SLC14A2: variants seen among roughly 807,000 people sequenced by gnomAD.
The protein encoded by SLC14A2 is solute carrier family 14 member 2.
In SLC14A2, 91 loss-of-function variants were observed where a neutral mutation model predicts 104.6. That is an observed-to-expected ratio of 0.87 (90% CI 0.73 to 1.04). The LOEUF (loss-of-function observed/expected upper bound fraction) is 1.04. Ranked by LOEUF, SLC14A2 falls within the 50% of genes least tolerant of loss-of-function variation. SLC14A2 has a pLI of 0.00. For missense variants in SLC14A2, 1,189 were observed against 1,156.0 expected, an observed-to-expected ratio of 1.03 and a Z score of -0.41; for synonymous variants, 476 against 466.4, an observed-to-expected ratio of 1.02 and a Z score of -0.27.
intron 1 of SLC14A2, among the ~76,000 whole-genome samples, chr18:45,398,701 C>T (rs2086063307): frequency 6.6e-6 from 1 of 152,082 alleles, no homozygotes; most frequent in Non-Finnish European, 1.5e-5. Context: ...CAGTCAACCC[C>T]AAAAGGATAA....
chr18:45,667,183 ATAGACTAGACT>A lies in SLC14A2; in HGVS notation c.1717+101_1717+111del, dbSNP rs1421431300. ...AAACCCATTGCCATGGGGGTTCCCT[ATAGACTAGACT>A]TAGACTAGACTGCACTCTGTTACTG... On this transcript the variant is annotated intron_variant, in intron 13 of 19. Transcript: ENST00000255226. The A allele has an allele frequency of 7.7e-6, 8 of 1,041,152 alleles. No homozygotes were observed. The South Asian group carries it at 1.1e-4, about 14-fold the overall frequency. 64.5% of individuals were successfully genotyped at this position (1,041,152 alleles called of 1,614,324 possible).
At chr18:45,356,451 G>T (rs985624681) in intron 1 of SLC14A2, among the ~76,000 whole-genome samples, 1 of 152,080 alleles carries the variant, frequency 6.6e-6, no homozygotes, top group South Asian at 2.1e-4. Context: ...AGAGTGTGAC[G>T]GTATCCCACT....
the SLC14A2 span, among the ~76,000 whole-genome samples, chr18:45,183,791 A>G: frequency 2.7e-5 from 4 of 150,482 alleles, no homozygotes; most frequent in South Asian, 8.4e-4. Flanking sequence ...GATGGAGTGC[A>G]GTGGTGTGAT....
At chr18:45,390,969 T>C (rs1313402142) in intron 1 of SLC14A2, among the ~76,000 whole-genome samples, 1 of 152,232 alleles carries the variant, frequency 6.6e-6, no homozygotes, top group Non-Finnish European at 1.5e-5. Context: ...AGGGTACATG[T>C]GCACAATGTG....
chr18:45,393,101 G>T (rs894624134), intron 1 of SLC14A2, among the ~76,000 whole-genome samples: 2 of 152,184 alleles, frequency 1.3e-5, no homozygotes, highest in Non-Finnish European at 2.9e-5. Flanking sequence ...ACTATAAAGA[G>T]GGAGAAAAGT....
chr18:45,513,562 A>C (rs1054527121), intron 2 of SLC14A2, among the ~76,000 whole-genome samples: 1 of 152,224 alleles, frequency 6.6e-6, no homozygotes, highest in Non-Finnish European at 1.5e-5. Flanking sequence ...TCAGAAGTTG[A>C]CTATGATACA....
At chr18:45,475,660 T>G (rs1327484759) in intron 1 of SLC14A2, among the ~76,000 whole-genome samples, 11 of 111,378 alleles carry the variant, frequency 9.9e-5, no homozygotes, top group East Asian at 2.8e-4. Flanking sequence ...TATATATATA[T>G]ATATATATAT....
chr18:45,667,935 T>C lies in SLC14A2; in HGVS notation c.1820T>C (p.Leu607Pro). Residue 607 changes from leucine to proline, a missense_variant, in exon 14 of 20, where the codon CTC becomes CCC. Coordinates refer to ENST00000255226, the MANE Select transcript of SLC14A2 (RefSeq NM_007163.4). The stretch of plus-strand genomic sequence containing the variant: ...AGCGGCATCCTCATCATCCTCGGCC[T>C]CTTCATCCAGAACCCCTGGTGGGCG... ...PLSGILIILG[L>P]FIQNPWWAIS... 2 of 1,614,120 alleles carry C rather than the reference T, an allele frequency of 1.2e-6. No homozygotes were observed. Among genetic ancestry groups the C allele is most frequent in the Non-Finnish European group, 1.7e-6 (2 of 1,180,000 alleles).
chr18:45,667,652 T>C (rs537468301), intron 13 of SLC14A2, among the ~76,000 whole-genome samples, 181 bp from the exon 14 acceptor site: 46 of 152,310 alleles, frequency 3.0e-4, no homozygotes, highest in African/African-American at 1.1e-3. Flanking sequence ...TCAAGAGTTT[T>C]CTTGGCAGTC....
intron 2 of SLC14A2, among the ~76,000 whole-genome samples, chr18:45,538,300 A>G (rs1323724664): frequency 2.0e-5 from 3 of 152,138 alleles, no homozygotes; most frequent in African/African-American, 7.2e-5. Context: ...CCTTGCCCCC[A>G]TGGTGTCATT....
At chr18:45,530,806 G>A (rs1017112517) in intron 2 of SLC14A2, among the ~76,000 whole-genome samples, 9 of 151,930 alleles carry the variant, frequency 5.9e-5, no homozygotes, top group Admixed American at 2.0e-4. Context: ...CCATTAACTC[G>A]TCATTTAGCA....
At chr18:45,221,193 G>A (rs957221665) in intron 1 of SLC14A2, among the ~76,000 whole-genome samples, 9 of 152,156 alleles carry the variant, frequency 5.9e-5, no homozygotes, top group African/African-American at 2.2e-4. Context: ...GCTGGACTAG[G>A]AAAAAGAGAA....
intron 1 of SLC14A2, among the ~76,000 whole-genome samples, chr18:45,246,333 A>G (rs1342564820): frequency 1.3e-5 from 2 of 152,176 alleles, no homozygotes; most frequent in East Asian, 3.8e-4. Flanking sequence ...AGTCTAAGCC[A>G]CCCAATCTGT....
intron 1 of SLC14A2, among the ~76,000 whole-genome samples, chr18:45,381,582 T>G (rs2085835550): frequency 6.6e-6 from 1 of 152,224 alleles, no homozygotes; most frequent in Non-Finnish European, 1.5e-5. Context: ...TCTGCTGATG[T>G]CTTGGGCATA....
At position 45,547,633 on chromosome 18, in the gene SLC14A2, T is replaced by C. The variant is rs76331126; in HGVS notation, c.-35+64311T>C. ...CCTTCTGATGACCGCCTTGTGATCTTGGGCTCATTTAGTCTCCTTGACCCT... is the reference window on the plus strand; with the variant it reads ...CCTTCTGATGACCGCCTTGTGATCTCGGGCTCATTTAGTCTCCTTGACCCT... On this transcript the variant is annotated intron_variant, in intron 2 of 20. Coordinates refer to the SLC14A2 transcript ENST00000586448. 4.5e-3 allele frequency among the ~76,000 whole-genome samples: 685 copies of C among 152,318 alleles called. 2 individuals carry two copies. Among genetic ancestry groups the C allele is most frequent in the Non-Finnish European group, 7.4e-3 (505 of 68,030 alleles).
chr18:45,664,351 G>A (rs1309727835), intron 11 of SLC14A2, among the ~76,000 whole-genome samples: 3 of 152,256 alleles, frequency 2.0e-5, no homozygotes, highest in Admixed American at 2.0e-4. Context: ...GAGACCCATG[G>A]TGGGGAAAGT....
chr18:45,244,500 C>T lies in SLC14A2; in HGVS notation c.-125+31309C>T, dbSNP rs114451813. On this transcript the variant is annotated intron_variant, in intron 1 of 20. Transcript: ENST00000586448. ...AAATTAGCCGGGCGTGGTGGCACAC[C>T]CTGTAATCCCAGTTACTTGGGAGGC... Among the ~76,000 whole-genome samples the T allele has an allele frequency of 6.7e-3, 1,014 of 152,150 alleles. 5 individuals carry two copies. Among genetic ancestry groups the T allele is most frequent in the Middle Eastern group, 0.031 (9 of 294 alleles).
At chr18:45,415,272 G>C (rs1030703450) in intron 1 of SLC14A2, among the ~76,000 whole-genome samples, 1 of 151,930 alleles carries the variant, frequency 6.6e-6, no homozygotes, top group East Asian at 1.9e-4. Context: ...GGGGTCAGGG[G>C]GTGTGTTTCT....
rs768976549 is a variant in SLC14A2, at chr18:45,672,998, T to C, written c.2328T>C (p.Pro776=). ...TCATAGCTCTGTTCATATCCTCACC[T>C]CTCATTTGCTTGCATGCAGCAATTG... ...IFLIALFISS[P]LICLHAAIGS... is the part of the protein sequence containing the mutation. Residue 776 remains proline (P), a synonymous_variant, in exon 17 of 20, where the codon CCT becomes CCC. Transcript: ENST00000255226. 1 of 1,614,112 alleles carries C rather than the reference T, an allele frequency of 6.2e-7. No individual in the cohort carries two copies. The highest frequency in any genetic ancestry group is 2.2e-5 in the East Asian group (1 of 44,886).
Sources: gnomAD v4.1 joint callset for allele counts (sites outside exome capture counted in the v4.1 genomes callset) on GRCh38, gnomAD v4.1.1 for gene constraint, MANE v1.5 for transcripts, NCBI Gene and HGNC (gene_info 2026-07-23, HGNC 2026-07-21) for gene names.